The following ESRRG variants were observed in gnomAD, a reference collection of about 807,000 sequenced individuals.
ESRRG encodes estrogen related receptor gamma.
Under a neutral mutation model 44.0 loss-of-function variants are expected in ESRRG, and 13 were observed. The observed-to-expected ratio is 0.30, with a 90% CI of 0.19 to 0.47. The LOEUF (loss-of-function observed/expected upper bound fraction) is 0.47, where lower values mean the gene tolerates loss of function less well. Among genes scored for constraint, ESRRG ranks in the 20% least tolerant of loss-of-function variants. The probability of loss-of-function intolerance (pLI) is 1.00; values close to 1 mark genes in which losing one functional copy is unlikely to be tolerated. For synonymous variants in ESRRG, 215 were observed against 214.6 expected, an observed-to-expected ratio of 1.00 and a Z score of -0.02; for missense variants, 395 against 580.6, an observed-to-expected ratio of 0.68 and a Z score of 3.29.
intron 2 of ESRRG, among the ~76,000 whole-genome samples, chr1:216,809,844 T>A (rs1288946966): frequency 6.6e-6 from 1 of 152,116 alleles, no homozygotes; most frequent in Non-Finnish European, 1.5e-5. Context: ...ATAGGCACAT[T>A]CTTGAAATGG....
intron 5 of ESRRG, among the ~76,000 whole-genome samples, chr1:216,523,270 C>T (rs193119080): frequency 8.1e-4 from 123 of 152,204 alleles, no homozygotes; most frequent in Non-Finnish European, 1.0e-3. Context: ...TACCTTGACC[C>T]GCAGTTAAAT....
intron 4 of ESRRG, 46 bp from the exon 5 acceptor site, chr1:216,564,426 C>T: frequency 6.8e-7 from 1 of 1,481,426 alleles, no homozygotes. Context: ...GTAGTATCAT[C>T]CCTCTTTTAT....
At chr1:216,625,020 C>T (rs1157491731) in intron 3 of ESRRG, among the ~76,000 whole-genome samples, 1 of 152,062 alleles carries the variant, frequency 6.6e-6, no homozygotes. Context: ...AAAATGCTCA[C>T]CAAATATCTC....
intron 2 of ESRRG, among the ~76,000 whole-genome samples, chr1:216,734,744 T>C (rs1282458153): frequency 6.6e-6 from 1 of 152,120 alleles, no homozygotes; most frequent in African/African-American, 2.4e-5. Context: ...TGAGTTTCAA[T>C]GTTTCTTTGA....
At chr1:216,850,356 C>CA (rs1196913711) in intron 2 of ESRRG, among the ~76,000 whole-genome samples, 2 of 151,908 alleles carry the variant, frequency 1.3e-5, no homozygotes, top group African/African-American at 4.8e-5. Context: ...AAGAAAACAT[C>CA]AATTCATTAG....
At chr1:216,972,205 T>G (rs1450134832) in intron 1 of ESRRG, among the ~76,000 whole-genome samples, 1 of 152,158 alleles carries the variant, frequency 6.6e-6, no homozygotes. Context: ...TTTGTCCACA[T>G]TCATAAAAAG....
intron 3 of ESRRG, among the ~76,000 whole-genome samples, chr1:216,588,524 T>C (rs1057223981): frequency 6.6e-6 from 1 of 152,220 alleles, no homozygotes; most frequent in Non-Finnish European, 1.5e-5. Flanking sequence ...GACTTTGGAA[T>C]AAAATCAGTT....
chr1:216,762,985 T>C (rs544282885), intron 2 of ESRRG, among the ~76,000 whole-genome samples: 17 of 152,202 alleles, frequency 1.1e-4, no homozygotes, highest in Middle Eastern at 3.4e-3. Context: ...AACTCATAAG[T>C]TACCTAAGAG....
At chr1:216,726,212 T>C (rs1460237546), upstream of ESRRG, among the ~76,000 whole-genome samples, 1 of 152,190 alleles carries the variant, frequency 6.6e-6, no homozygotes, top group Admixed American at 6.5e-5. Context: ...AGTGACCAGA[T>C]GTGTACTAGG....
chr1:216,918,568 C>G (rs995732423), intron 2 of ESRRG, among the ~76,000 whole-genome samples: 2 of 152,122 alleles, frequency 1.3e-5, no homozygotes, highest in Non-Finnish European at 2.9e-5. Flanking sequence ...CTTCCTGTCT[C>G]TAGAGACTTC....
chr1:216,864,850 C>T (rs2096121002), intron 2 of ESRRG: 1 of 152,090 alleles, frequency 6.6e-6, no homozygotes, highest in Non-Finnish European at 1.5e-5. Context: ...TGCAGGATCA[C>T]ACTGAAGGTC....
At chr1:216,910,400 C>T (rs753514550) in intron 2 of ESRRG, among the ~76,000 whole-genome samples, 34 of 152,204 alleles carry the variant, frequency 2.2e-4, no homozygotes, top group African/African-American at 6.7e-4. Flanking sequence ...TTTTACTATA[C>T]GCCGCTAATT....
intron 2 of ESRRG, among the ~76,000 whole-genome samples, chr1:216,671,325 C>CA (rs1416116865): frequency 9.9e-5 from 15 of 152,118 alleles, no homozygotes; most frequent in Admixed American, 2.0e-4. Context: ...TAAATGCCTC[C>CA]AATCATATAA....
intron 5 of ESRRG, among the ~76,000 whole-genome samples, chr1:216,530,274 TA>T (rs11341205): frequency 0.34 from 51,633 of 151,494 alleles, 8,917 homozygotes; most frequent in Non-Finnish European, 0.35. Context: ...TGTAGTGAAT[TA>T]ACATTAAAAT....
chr1:216,893,477 G>A (rs2058053874), intron 2 of ESRRG, among the ~76,000 whole-genome samples: 1 of 152,126 alleles, frequency 6.6e-6, no homozygotes, highest in South Asian at 2.1e-4. Context: ...GATAAATCAT[G>A]AAATAATTAT....
intron 3 of ESRRG, among the ~76,000 whole-genome samples, chr1:216,647,696 T>A (rs991148631): frequency 1.3e-5 from 2 of 152,176 alleles, no homozygotes; most frequent in African/African-American, 4.8e-5. Flanking sequence ...GATGCCATAA[T>A]TAATAGAAAT....
Position 216,689,947 on chromosome 1 carries a change from A to G in ESRRG, c.57-12456T>C, listed in dbSNP as rs114230156. Among the ~76,000 whole-genome samples the G allele has an allele frequency of 9.6e-3, 1,466 of 152,228 alleles. 20 individuals carry two copies. Among genetic ancestry groups the G allele is most frequent in the African/African-American group, 0.033 (1,389 of 41,546 alleles). The stretch of plus-strand genomic sequence containing the variant: ...GTTTTTCACACACATAAGAGAGGCT[A>G]AAATTCATAAGACCGACAACAATAA... On this transcript the variant is annotated intron_variant, in intron 1 of 6. Transcript: ENST00000408911.
chr1:216,669,143 T>C (rs2074624590), intron 2 of ESRRG, among the ~76,000 whole-genome samples: 1 of 152,054 alleles, frequency 6.6e-6, no homozygotes, highest in South Asian at 2.1e-4. Flanking sequence ...AGAGAAGGCA[T>C]GTGGCACACA....
chr1:216,873,209 GTTTTTTTT>G (rs754735743), intron 2 of ESRRG, among the ~76,000 whole-genome samples: 1 of 105,948 alleles, frequency 9.4e-6, no homozygotes, highest in Non-Finnish European at 1.8e-5. Context: ...CATCTTTTCA[GTTTTTTTT>G]TTTTTTTTTT....
Sources: gnomAD v4.1 joint callset for allele counts (sites outside exome capture counted in the v4.1 genomes callset) on GRCh38, gnomAD v4.1.1 for gene constraint, MANE v1.5 for transcripts, NCBI Gene and HGNC (gene_info 2026-07-23, HGNC 2026-07-21) for gene names.